The following CNR2 variants were observed in gnomAD, a reference collection of about 807,000 sequenced individuals.
CNR2 encodes the protein cannabinoid receptor 2.
For missense variants in CNR2, 379 were observed against 439.9 expected, an observed-to-expected ratio of 0.86 and a Z score of 1.24; for synonymous variants, 172 against 182.2, an observed-to-expected ratio of 0.94 and a Z score of 0.45.
At chr1:23,897,477 T>C (rs1311120427) in intron 1 of CNR2, among the ~76,000 whole-genome samples, 1 of 84,476 alleles carries the variant, frequency 1.2e-5, no homozygotes, top group Non-Finnish European at 2.3e-5. Flanking sequence ...TGCATGTTAA[T>C]AGAATTTTTT....
At chr1:23,902,353 T>C (rs1306227526) in intron 1 of CNR2, 1 of 1,579,632 alleles carries the variant, frequency 6.3e-7, no homozygotes, top group Non-Finnish European at 8.6e-7. Context: ...AACAGCCGGC[T>C]CTGGGACAGC....
At chr1:23,901,649 T>C (rs535609286) in intron 1 of CNR2, 5 of 1,520,844 alleles carry the variant, frequency 3.3e-6, no homozygotes, top group African/African-American at 2.7e-5. Context: ...GTAGAAGGTG[T>C]CTTGTTCAAC....
At chr1:23,912,279 C>T (rs186636246) in intron 1 of CNR2, among the ~76,000 whole-genome samples, 23 of 152,290 alleles carry the variant, frequency 1.5e-4, no homozygotes, top group Admixed American at 1.2e-3. Context: ...CTGAGTGGAA[C>T]TTACACCAAA....
At chr1:23,886,188 C>CAA (rs71026697) in intron 1 of CNR2, among the ~76,000 whole-genome samples, 88,020 of 130,094 alleles carry the variant, frequency 0.68, 30,404 homozygotes, top group Middle Eastern at 0.75. Flanking sequence ...GACTCTATTT[C>CAA]AAAAAAAAAA....
chr1:23,895,135 C>T (rs867144412), intron 1 of CNR2, among the ~76,000 whole-genome samples: 2 of 152,044 alleles, frequency 1.3e-5, no homozygotes, highest in Non-Finnish European at 2.9e-5. Context: ...GCAGGAGAAT[C>T]GCTTGAACCC....
chr1:23,895,037 T>C (rs1640256249), intron 1 of CNR2, among the ~76,000 whole-genome samples: 2 of 152,090 alleles, frequency 1.3e-5, no homozygotes, highest in African/African-American at 4.8e-5. Flanking sequence ...CTGGCCAACA[T>C]GGCAAAACCC....
At chr1:23,899,103 T>C (rs1640338264) in intron 1 of CNR2, among the ~76,000 whole-genome samples, 1 of 152,222 alleles carries the variant, frequency 6.6e-6, no homozygotes, top group South Asian at 2.1e-4. Flanking sequence ...AGAAATGCGC[T>C]GTCTCCTTTA....
intron 1 of CNR2, among the ~76,000 whole-genome samples, chr1:23,889,377 C>T (rs1162881270): frequency 5.3e-5 from 8 of 152,266 alleles, no homozygotes; most frequent in South Asian, 4.1e-4. Flanking sequence ...CAAGCCTCAC[C>T]GTTTTTATCC....
chr1:23,881,805 G>A (rs1198830953), intron 1 of CNR2, among the ~76,000 whole-genome samples: 10 of 150,432 alleles, frequency 6.6e-5, no homozygotes, highest in East Asian at 2.0e-4. Flanking sequence ...CAGGAGAATC[G>A]CTTGAACTTG....
chr1:23,899,158 C>T (rs1640339445), intron 1 of CNR2, among the ~76,000 whole-genome samples: 1 of 152,120 alleles, frequency 6.6e-6, no homozygotes, highest in African/African-American at 2.4e-5. Flanking sequence ...TTTTCACGAT[C>T]TTATCTATGA....
intron 1 of CNR2, among the ~76,000 whole-genome samples, chr1:23,893,448 G>C (rs1218031760): frequency 1.3e-5 from 2 of 152,226 alleles, no homozygotes; most frequent in Non-Finnish European, 2.9e-5. Context: ...TTCTTCCTCT[G>C]TGAATGGGGA....
chr1:23,871,154 C>CAAAAAAAAAAAAA lies in CNR2; in HGVS notation c.*3368_*3380dup, dbSNP rs34781596. ...TGGGTGACAGAGTGAGATTCTATGT[C>CAAAAAAAAAAAAA]AAAAAAAAAAAAAAAAAAAAAAAAA... On this transcript the variant is annotated 3_prime_UTR_variant, in exon 2 of 2. Coordinates refer to ENST00000374472, the MANE Select transcript of CNR2 (RefSeq NM_001841.3). 3.4e-5 allele frequency: 2 copies of CAAAAAAAAAAAAA among 58,796 alleles called. No homozygotes were observed. Among genetic ancestry groups the CAAAAAAAAAAAAA allele is most frequent in the South Asian group, 9.5e-4 (1 of 1,056 alleles). The allele number at this position is 58,796 out of a possible 1,614,324, so 3.6% of individuals were successfully genotyped here. A position where few individuals can be genotyped will look rare whatever the true frequency, so the allele number is the denominator to read the frequency against.
At chr1:23,907,345 G>A (rs1242760985) in intron 1 of CNR2, among the ~76,000 whole-genome samples, 1 of 149,230 alleles carries the variant, frequency 6.7e-6, no homozygotes, top group East Asian at 2.0e-4. Flanking sequence ...GGGACGTGGA[G>A]GTTGCAGTGA....
rs1639744476 is a variant in CNR2, at chr1:23,870,623, C to T, written c.*3912G>A. 1 of 152,126 alleles carries T rather than the reference C, an allele frequency of 6.6e-6. No individual in the cohort carries two copies. Among genetic ancestry groups the T allele is most frequent in the African/African-American group, 2.4e-5 (1 of 41,398 alleles). The allele number at this position is 152,126 out of a possible 1,614,324, so 9.4% of individuals were successfully genotyped here. A position where few individuals can be genotyped will look rare whatever the true frequency, so the allele number is the denominator to read the frequency against. ...AATTTATTTCTCCTTATCCACATAA[C>T]CAAAATGTGAACCTGCAGGGACAGG... On this transcript the variant is annotated 3_prime_UTR_variant, in exon 2 of 2. Coordinates refer to ENST00000374472, the MANE Select transcript of CNR2 (RefSeq NM_001841.3).
chr1:23,877,584 G>A (rs1273528056), intron 1 of CNR2, among the ~76,000 whole-genome samples: 2 of 151,898 alleles, frequency 1.3e-5, no homozygotes, highest in African/African-American at 2.4e-5. Flanking sequence ...GCAGTGAGCC[G>A]AGAGCCGAGA....
chr1:23,895,498 G>A (rs368613223), intron 1 of CNR2, among the ~76,000 whole-genome samples: 9 of 152,074 alleles, frequency 5.9e-5, no homozygotes, highest in African/African-American at 2.2e-4. Context: ...GCCAGGACCT[G>A]AGTCCTTTTT....
Position 23,875,061 on chromosome 1 carries a change from A to T in CNR2, c.557T>A (p.Ile186Asn), listed in dbSNP as rs767181446. 3.7e-6 allele frequency: 6 copies of T among 1,602,806 alleles called. No homozygotes were observed. The East Asian group carries it at 1.3e-4, about 36-fold the overall frequency. Residue 186 changes from isoleucine to asparagine, a missense_variant, in exon 2 of 2, where the codon ATC becomes AAC. Physicochemically the swap from Ile to Asn is moderately radical, Grantham distance 149 (BLOSUM62 -3). Coordinates refer to ENST00000374472, the MANE Select transcript of CNR2 (RefSeq NM_001841.3). ...CCAGCTCAGCAGGTAGTCATTGGGG[A>T]TCAGTGGGAAAAGCTCAGAGCAGGG... ...PRPCSELFPL[I>N]PNDYLLSWLL...
intron 1 of CNR2, among the ~76,000 whole-genome samples, chr1:23,910,224 G>T (rs1378619252): frequency 7.0e-6 from 1 of 142,558 alleles, no homozygotes; most frequent in African/African-American, 2.6e-5. Context: ...GCCTCCCAAA[G>T]TGCCAAGCTT....
chr1:23,900,786 A>G (rs1263444267), intron 1 of CNR2, among the ~76,000 whole-genome samples: 16 of 152,086 alleles, frequency 1.1e-4, no homozygotes, highest in African/African-American at 3.9e-4. Context: ...GATTACAGGC[A>G]TGTGCCACCG....
Sources: gnomAD v4.1 joint callset for allele counts (sites outside exome capture counted in the v4.1 genomes callset) on GRCh38, gnomAD v4.1.1 for gene constraint, MANE v1.5 for transcripts, NCBI Gene and HGNC (gene_info 2026-07-23, HGNC 2026-07-21) for gene names.